NLGN1: variants seen among roughly 807,000 people sequenced by gnomAD.
The protein encoded by NLGN1 is neuroligin 1, also known as neuroligin-1.
A neutral mutation model predicts 65.5 loss-of-function variants in NLGN1; 12 were observed. The observed-to-expected ratio is 0.18, with a 90% CI of 0.12 to 0.30. The LOEUF is 0.30. Among genes scored for constraint, NLGN1 ranks in the 10% least tolerant of loss-of-function variants. NLGN1 has a pLI of 1.00. For missense variants in NLGN1, 750 were observed against 1,007.1 expected (o/e 0.74, Z 3.46); for synonymous variants, 350 against 359.5 (o/e 0.97, Z 0.30).
At chr3:174,201,923 C>CTT (rs1471359909) in intron 4 of NLGN1, among the ~76,000 whole-genome samples, 1 of 151,968 alleles carries the variant, frequency 6.6e-6, no homozygotes, top group African/African-American at 2.4e-5. Context: ...CTTGTGTTCT[C>CTT]TTTATCATTC....
chr3:173,672,300 A>G (rs527693051), intron 3 of NLGN1, among the ~76,000 whole-genome samples: 1 of 152,334 alleles, frequency 6.6e-6, no homozygotes, highest in Non-Finnish European at 1.5e-5. Flanking sequence ...CTTGCTTCCA[A>G]AGAGAATACA....
chr3:174,228,304 C>T (rs747765546), intron 4 of NLGN1, among the ~76,000 whole-genome samples: 20 of 152,052 alleles, frequency 1.3e-4, no homozygotes, highest in Non-Finnish European at 2.5e-4. Context: ...AGTGGATCTT[C>T]CTGTAGAGTA....
chr3:173,904,763 G>T (rs927330931), intron 4 of NLGN1, among the ~76,000 whole-genome samples: 1 of 152,102 alleles, frequency 6.6e-6, no homozygotes. Context: ...TTATGATTCT[G>T]CTTGCTGGTC....
intron 2 of NLGN1, among the ~76,000 whole-genome samples, chr3:173,584,286 A>G (rs1746905609): frequency 6.6e-6 from 1 of 151,448 alleles, no homozygotes; most frequent in Admixed American, 6.6e-5. Flanking sequence ...GGGAAAAAAA[A>G]GTGAGATCCC....
At chr3:173,846,299 C>A (rs1230185058) in intron 4 of NLGN1, among the ~76,000 whole-genome samples, 2 of 152,124 alleles carry the variant, frequency 1.3e-5, no homozygotes, top group African/African-American at 4.8e-5. Flanking sequence ...GATTCTCAGG[C>A]CTACAAGGTC....
intron 4 of NLGN1, among the ~76,000 whole-genome samples, chr3:174,217,702 T>C (rs1020294198): frequency 1.3e-5 from 2 of 152,044 alleles, no homozygotes; most frequent in African/African-American, 4.8e-5. Context: ...TCAACTTATC[T>C]TTTGGAGAGA....
chr3:173,809,593 A>G (rs1332579897), intron 4 of NLGN1, among the ~76,000 whole-genome samples: 1 of 152,196 alleles, frequency 6.6e-6, no homozygotes, highest in African/African-American at 2.4e-5. Flanking sequence ...CTTTGGCCAC[A>G]AGTTTTTTTG....
At chr3:173,725,937 C>G (rs1159012102) in intron 3 of NLGN1, among the ~76,000 whole-genome samples, 1 of 152,136 alleles carries the variant, frequency 6.6e-6, no homozygotes, top group Non-Finnish European at 1.5e-5. Context: ...TCTCTATAGG[C>G]AGTTCAGTGC....
intron 4 of NLGN1, among the ~76,000 whole-genome samples, chr3:174,248,716 G>A (rs1228491260): frequency 2.0e-5 from 3 of 152,170 alleles, no homozygotes; most frequent in African/African-American, 4.8e-5. Context: ...GGCCGAGATC[G>A]TGCCACTGCA....
At chr3:173,811,639 A>T (rs1717971556) in intron 4 of NLGN1, among the ~76,000 whole-genome samples, 1 of 151,810 alleles carries the variant, frequency 6.6e-6, no homozygotes, top group South Asian at 2.1e-4. Flanking sequence ...GTGTTCTTAA[A>T]GGGGGGAAAT....
intron 4 of NLGN1, among the ~76,000 whole-genome samples, chr3:173,964,645 CTGAAATCTGTA>C: frequency 6.6e-6 from 1 of 152,262 alleles, no homozygotes; most frequent in Non-Finnish European, 1.5e-5. Context: ...TGCCCTACTC[CTGAAATCTGTA>C]TGAATCAAAT....
intron 4 of NLGN1, among the ~76,000 whole-genome samples, chr3:173,862,369 A>G (rs1403488785): frequency 1.3e-5 from 2 of 150,564 alleles, no homozygotes; most frequent in East Asian, 3.9e-4. Context: ...AGCCGGGCGT[A>G]GTGGCGGGCG....
At chr3:173,956,940 C>T (rs1445658139) in intron 4 of NLGN1, among the ~76,000 whole-genome samples, 1 of 152,052 alleles carries the variant, frequency 6.6e-6, no homozygotes, top group African/African-American at 2.4e-5. Context: ...AGAGAACTCA[C>T]AGTTTCCAAC....
chr3:173,508,167 C>T (rs1286603362), intron 2 of NLGN1, among the ~76,000 whole-genome samples: 1 of 152,094 alleles, frequency 6.6e-6, no homozygotes, highest in African/African-American at 2.4e-5. Flanking sequence ...TAACTCCTTT[C>T]TTATTTTTGC....
intron 2 of NLGN1, among the ~76,000 whole-genome samples, chr3:173,508,694 T>G (rs2149086949): frequency 6.6e-6 from 1 of 152,256 alleles, no homozygotes; most frequent in Non-Finnish European, 1.5e-5. Context: ...TTCCTCTGAG[T>G]TAGCAACCTT....
intron 4 of NLGN1, among the ~76,000 whole-genome samples, chr3:173,813,354 G>A (rs1230160121): frequency 6.6e-6 from 1 of 152,108 alleles, no homozygotes; most frequent in Admixed American, 6.5e-5. Context: ...ATATTTAAGA[G>A]TAATATTTAA....
At chr3:173,750,996 T>C (rs1253389105) in intron 3 of NLGN1, among the ~76,000 whole-genome samples, 1 of 152,086 alleles carries the variant, frequency 6.6e-6, no homozygotes, top group African/African-American at 2.4e-5. Flanking sequence ...ATTAAACTAT[T>C]ACCCTATTTC....
chr3:173,725,070 T>C (rs1306502175), intron 3 of NLGN1, among the ~76,000 whole-genome samples: 3 of 152,074 alleles, frequency 2.0e-5, no homozygotes, highest in Middle Eastern at 3.2e-3. Flanking sequence ...ATATACCTAA[T>C]GAATGTAAAT....
intron 4 of NLGN1, among the ~76,000 whole-genome samples, chr3:174,259,094 G>A (rs1443779440): frequency 1.3e-5 from 2 of 151,796 alleles, no homozygotes; most frequent in African/African-American, 4.8e-5. Context: ...TTCATTAGGG[G>A]GACATTTATC....
Sources: allele counts gnomAD v4.1 joint callset (sites outside exome capture counted in the v4.1 genomes callset), GRCh38; gene constraint gnomAD v4.1.1; transcripts MANE v1.5; gene names NCBI Gene and HGNC (gene_info 2026-07-23, HGNC 2026-07-21).